The following CNTNAP3B variants were observed in gnomAD, a reference collection of about 807,000 sequenced individuals.
CNTNAP3B encodes contactin associated protein family member 3B, also known as contactin-associated protein-like 3B.
In CNTNAP3B, 25 loss-of-function variants were observed where a neutral mutation model predicts 108.9. The observed-to-expected ratio is 0.23, with a 90% CI of 0.17 to 0.32. The LOEUF (loss-of-function observed/expected upper bound fraction) is 0.32. Among genes scored for constraint, CNTNAP3B ranks in the 10% least tolerant of loss-of-function variants. CNTNAP3B has a pLI of 1.00. For missense variants in CNTNAP3B, 252 were observed against 1,210.4 expected (o/e 0.21, Z 11.75); for synonymous variants, 103 against 473.4 (o/e 0.22, Z 10.16).
Position 42,042,069 on chromosome 9 carries a change from C to T in CNTNAP3B, c.391-28544G>A, listed in dbSNP as rs28556279. ...CTTGGACACAGGATGGGGAACATCA[C>T]ACACTGGGGCCTGTCGTGGGGTGGT... On this transcript the variant is annotated intron_variant, in intron 3 of 23. Transcript: ENST00000377561. Among the ~76,000 whole-genome samples the T allele has an allele frequency of 9.9e-3, 1,340 of 135,290 alleles. 4 individuals carry two copies. The East Asian group carries it at 0.16, about 16-fold the overall frequency. The allele number at this position is 135,290 out of a possible 152,430, so 88.8% of individuals were successfully genotyped here. A position where few individuals can be genotyped will look rare whatever the true frequency, so the allele number is the denominator to read the frequency against.
Position 41,934,328 on chromosome 9 carries a change from C to T in CNTNAP3B, c.2237+3916G>A, listed in dbSNP as rs1588049110. 2.0e-5 allele frequency among the ~76,000 whole-genome samples: 3 copies of T among 152,258 alleles called. No individual in the cohort carries two copies. The East Asian group carries it at 5.8e-4, about 29-fold the overall frequency. ...CCGCCTTCCAGGTTCATGCCATTCT[C>T]CTGCCTCAGCCTCCCGAGTAGCTGG... On this transcript the variant is annotated intron_variant, in intron 14 of 23. Transcript: ENST00000377561.
intron 3 of CNTNAP3B, among the ~76,000 whole-genome samples, chr9:42,054,834 T>C (rs1827031113): frequency 6.6e-6 from 1 of 150,426 alleles, no homozygotes; most frequent in Non-Finnish European, 1.5e-5. Context: ...TTGTTGTTTT[T>C]TAATCTAATA....
At chr9:42,070,634 G>A (rs1189070496) in intron 3 of CNTNAP3B, among the ~76,000 whole-genome samples, 2 of 151,792 alleles carry the variant, frequency 1.3e-5, no homozygotes, top group African/African-American at 4.9e-5. Flanking sequence ...TTCTGTCTCT[G>A]TGCTAACTGC....
At chr9:41,932,508 CT>C (rs1175456758) in intron 14 of CNTNAP3B, among the ~76,000 whole-genome samples, 209 of 146,400 alleles carry the variant, frequency 1.4e-3, no homozygotes, top group African/African-American at 4.8e-3. Context: ...AACTTTTTAA[CT>C]TTTTTTTCTT....
intron 2 of CNTNAP3B, among the ~76,000 whole-genome samples, chr9:42,100,117 C>A (rs536300593): frequency 0.065 from 2,924 of 45,266 alleles, 901 homozygotes; most frequent in Middle Eastern, 0.14. Context: ...GCTATTAATT[C>A]CTCTCTGACT....
At chr9:41,961,157 G>A (rs1198834116) in intron 11 of CNTNAP3B, among the ~76,000 whole-genome samples, 2 of 152,306 alleles carry the variant, frequency 1.3e-5, no homozygotes, top group African/African-American at 2.4e-5. Flanking sequence ...TAAATATTCG[G>A]TCACAGTGTA....
intron 13 of CNTNAP3B, among the ~76,000 whole-genome samples, chr9:41,938,873 G>C (rs1444812726): frequency 6.6e-6 from 1 of 152,282 alleles, no homozygotes; most frequent in Non-Finnish European, 1.5e-5. Flanking sequence ...TTCTCTGTCA[G>C]TACTTACTAA....
intron 14 of CNTNAP3B, among the ~76,000 whole-genome samples, chr9:41,931,591 C>T (rs1439541453): frequency 6.6e-6 from 1 of 151,226 alleles, no homozygotes; most frequent in African/African-American, 2.4e-5. Flanking sequence ...CAGACTAAAA[C>T]CCTGTTGCTT....
chr9:42,080,664 T>C (rs1472528994), intron 2 of CNTNAP3B, among the ~76,000 whole-genome samples: 1 of 111,322 alleles, frequency 9.0e-6, no homozygotes, highest in African/African-American at 3.7e-5. Context: ...AAAAATGTTG[T>C]CTTTGTTTAA....
At chr9:41,928,083 G>A (rs1179028472) in intron 15 of CNTNAP3B, among the ~76,000 whole-genome samples, 1 of 152,214 alleles carries the variant, frequency 6.6e-6, no homozygotes, top group Non-Finnish European at 1.5e-5. Flanking sequence ...GCATATTCTG[G>A]ATAAGTTTTT....
At chr9:42,036,429 T>C (rs1826632673) in intron 3 of CNTNAP3B, among the ~76,000 whole-genome samples, 1 of 139,658 alleles carries the variant, frequency 7.2e-6, no homozygotes, top group South Asian at 2.3e-4. Context: ...GTCATGGAAA[T>C]CTTTCTATGA....
intron 3 of CNTNAP3B, among the ~76,000 whole-genome samples, chr9:42,053,408 C>T (rs529221145): frequency 1.5e-5 from 2 of 134,644 alleles, no homozygotes; most frequent in South Asian, 4.8e-4. Flanking sequence ...GAAAGGCCAG[C>T]ATAGAATAAT....
chr9:41,942,454 GA>G (rs1390996362), intron 13 of CNTNAP3B, among the ~76,000 whole-genome samples: 2 of 151,690 alleles, frequency 1.3e-5, no homozygotes, highest in African/African-American at 4.9e-5. Flanking sequence ...ACTAAAAATA[GA>G]AAAAAATTAG....
intron 10 of CNTNAP3B, among the ~76,000 whole-genome samples, chr9:41,965,735 T>C (rs71248899): frequency 3.3e-5 from 5 of 152,088 alleles, no homozygotes; most frequent in African/African-American, 1.2e-4. Flanking sequence ...GAAGAGGGGC[T>C]GGGAGGTTGT....
intron 3 of CNTNAP3B, among the ~76,000 whole-genome samples, chr9:42,018,398 C>G (rs1826249554): frequency 7.2e-6 from 1 of 139,224 alleles, no homozygotes; most frequent in Admixed American, 7.1e-5. Flanking sequence ...ATCATTCCTT[C>G]ATGATTCCTC....
intron 12 of CNTNAP3B, among the ~76,000 whole-genome samples, chr9:41,958,237 A>G (rs1367513073): frequency 6.6e-6 from 1 of 152,302 alleles, no homozygotes; most frequent in African/African-American, 2.4e-5. Flanking sequence ...CCTCCCAAGT[A>G]GCTGGGACTA....
At chr9:41,952,312 G>A (rs1824713516) in intron 13 of CNTNAP3B, among the ~76,000 whole-genome samples, 1 of 152,190 alleles carries the variant, frequency 6.6e-6, no homozygotes, top group Non-Finnish European at 1.5e-5. Context: ...TTGCTCTGCT[G>A]CCCAAGCTGG....
At chr9:42,069,817 GTGTGTA>G (rs1366969732) in intron 3 of CNTNAP3B, among the ~76,000 whole-genome samples, 1 of 81,806 alleles carries the variant, frequency 1.2e-5, no homozygotes, top group Non-Finnish European at 2.3e-5. Flanking sequence ...TCATTTATGT[GTGTGTA>G]TGTGTATGTG....
chr9:41,920,629 C>T (rs1823641892), intron 17 of CNTNAP3B, among the ~76,000 whole-genome samples: 1 of 152,304 alleles, frequency 6.6e-6, no homozygotes, highest in African/African-American at 2.4e-5. Flanking sequence ...ATATAAACCA[C>T]ATCAAACACT....
Sources: gnomAD v4.1 joint callset for allele counts (sites outside exome capture counted in the v4.1 genomes callset) on GRCh38, gnomAD v4.1.1 for gene constraint, MANE v1.5 for transcripts, NCBI Gene and HGNC (gene_info 2026-07-23, HGNC 2026-07-21) for gene names.